FRS2: variants seen among roughly 807,000 people sequenced by gnomAD.
FRS2 encodes the protein FGFR signalling adaptor.
In FRS2, 8 loss-of-function variants were observed where a neutral mutation model predicts 43.9. The ratio of observed to expected loss-of-function variants is 0.18; its 90% CI spans 0.11 to 0.33. The LOEUF (loss-of-function observed/expected upper bound fraction) is 0.33, where lower values mean the gene tolerates loss of function less well. Ranked by LOEUF, FRS2 falls within the 10% of genes least tolerant of loss-of-function variation. FRS2 has a pLI of 1.00. For synonymous variants in FRS2, 219 were observed against 220.3 expected (o/e 0.99, Z 0.05); for missense variants, 534 against 627.6 (o/e 0.85, Z 1.59).
chr12:69,494,624 A>G (rs1322634694), intron 1 of FRS2, among the ~76,000 whole-genome samples: 4 of 152,278 alleles, frequency 2.6e-5, no homozygotes, highest in Admixed American at 6.5e-5. Flanking sequence ...CCCTGGCTCT[A>G]CCTAAGGCCA....
intron 1 of FRS2, among the ~76,000 whole-genome samples, chr12:69,516,127 A>C (rs776884232): frequency 1.1e-4 from 16 of 152,008 alleles, no homozygotes; most frequent in Non-Finnish European, 1.9e-4. Context: ...AGTATTTCAT[A>C]ATAATGTTAT....
intron 7 of FRS2, 36 bp from the exon 8 acceptor site, chr12:69,572,081 GC>G (rs745641334): frequency 7.7e-6 from 12 of 1,564,208 alleles, no homozygotes; most frequent in South Asian, 5.6e-5. Flanking sequence ...TCTCTGCCCC[GC>G]CCCCCTTTTC....
At chr12:69,530,654 G>A (rs1339015160) in intron 1 of FRS2, among the ~76,000 whole-genome samples, 6 of 152,168 alleles carry the variant, frequency 3.9e-5, no homozygotes, top group South Asian at 2.1e-4. Flanking sequence ...GAGGTGGGAG[G>A]ATCGCCTGAG....
intron 3 of FRS2, among the ~76,000 whole-genome samples, chr12:69,532,703 G>A (rs934655543): frequency 2.0e-5 from 3 of 152,034 alleles, no homozygotes; most frequent in Admixed American, 2.0e-4. Flanking sequence ...TAGCAGGAAG[G>A]GAATTCACAC....
intron 1 of FRS2, among the ~76,000 whole-genome samples, chr12:69,514,923 A>G (rs1874840566): frequency 6.6e-6 from 1 of 152,202 alleles, no homozygotes; most frequent in African/African-American, 2.4e-5. Context: ...GAGAAGTTCA[A>G]GCAGACAAAA....
At chr12:69,533,292 T>G (rs1593003690) in intron 3 of FRS2, among the ~76,000 whole-genome samples, 1 of 151,988 alleles carries the variant, frequency 6.6e-6, no homozygotes, top group South Asian at 2.1e-4. Flanking sequence ...CTCTGTTATA[T>G]AGAAAAGTAT....
At chr12:69,522,004 G>T (rs1267663748) in intron 1 of FRS2, among the ~76,000 whole-genome samples, 2 of 152,198 alleles carry the variant, frequency 1.3e-5, no homozygotes, top group Admixed American at 6.5e-5. Flanking sequence ...TCTATCTTTA[G>T]TTCTGTTTAT....
At chr12:69,485,134 C>CACACACACATAT (rs1194988609) in intron 1 of FRS2, among the ~76,000 whole-genome samples, 7 of 134,272 alleles carry the variant, frequency 5.2e-5, no homozygotes, top group African/African-American at 1.2e-4. Flanking sequence ...CACACACACA[C>CACACACACATAT]ACTCTCACCC....
chr12:69,555,576 A>G (rs1879267287), intron 3 of FRS2, among the ~76,000 whole-genome samples: 1 of 152,216 alleles, frequency 6.6e-6, no homozygotes, highest in Non-Finnish European at 1.5e-5. Context: ...GTATGGATCC[A>G]CTTATAGATG....
At chr12:69,506,903 A>G (rs1283304819) in intron 1 of FRS2, among the ~76,000 whole-genome samples, 1 of 151,778 alleles carries the variant, frequency 6.6e-6, no homozygotes, top group Non-Finnish European at 1.5e-5. Context: ...TTCATGGATT[A>G]ATGGATTAAT....
chr12:69,564,406 TCAAACACATAC>T (rs1357472864), intron 4 of FRS2, among the ~76,000 whole-genome samples: 2 of 152,160 alleles, frequency 1.3e-5, no homozygotes, highest in African/African-American at 4.8e-5. Context: ...ACCTTCTCCC[TCAAACACATAC>T]TTATGTACTT....
chr12:69,570,313 G>A lies in FRS2; in HGVS notation c.67-18G>A, dbSNP rs773590072. 13 of 1,595,474 alleles carry A rather than the reference G, an allele frequency of 8.1e-6. No homozygotes were observed. In the Admixed American group the frequency reaches 2.2e-4, roughly 27 times the overall value. On this transcript the variant is annotated intron_variant, in intron 5 of 8. Coordinates refer to ENST00000549921, the MANE Select transcript of FRS2 (RefSeq NM_001278356.2). ...GAATTGGTGACATATTTGCATGACT[G>A]TCACCTTCTTTTTTTAGGTCATTAA...
chr12:69,547,291 C>T (rs491194), intron 3 of FRS2, among the ~76,000 whole-genome samples: 14,205 of 152,012 alleles, frequency 0.093, 874 homozygotes, highest in Non-Finnish European at 0.14. Flanking sequence ...TGAGACCTCG[C>T]CTCTACAAAA....
At chr12:69,507,131 A>G (rs893878804) in intron 1 of FRS2, among the ~76,000 whole-genome samples, 1 of 152,218 alleles carries the variant, frequency 6.6e-6, no homozygotes, top group African/African-American at 2.4e-5. Flanking sequence ...TAAATTGCTC[A>G]GTTTTAGGTA....
At chr12:69,552,601 A>C (rs1878988959) in intron 3 of FRS2, among the ~76,000 whole-genome samples, 1 of 152,148 alleles carries the variant, frequency 6.6e-6, no homozygotes, top group African/African-American at 2.4e-5. Flanking sequence ...TCATTAAGTT[A>C]ATCCTAGGTA....
intron 1 of FRS2, among the ~76,000 whole-genome samples, chr12:69,496,947 A>C (rs922085952): frequency 4.6e-5 from 7 of 152,254 alleles, no homozygotes; most frequent in Admixed American, 4.6e-4. Flanking sequence ...TGCAAGGTTT[A>C]GATATTATTC....
chr12:69,490,036 A>G (rs190471509), intron 1 of FRS2, among the ~76,000 whole-genome samples: 117 of 152,252 alleles, frequency 7.7e-4, no homozygotes, highest in Non-Finnish European at 1.4e-3. Flanking sequence ...ATGTAGCAGT[A>G]TGTTCAGATG....
At chr12:69,509,093 CATT>C (rs1337356973) in intron 1 of FRS2, among the ~76,000 whole-genome samples, 2 of 152,168 alleles carry the variant, frequency 1.3e-5, no homozygotes, top group African/African-American at 4.8e-5. Flanking sequence ...TGGTTGGACA[CATT>C]AAGTAATCTG....
Position 69,514,945 on chromosome 12 carries a change from T to C in FRS2, c.-260-15920T>C, listed in dbSNP as rs976000867. Among the ~76,000 whole-genome samples, 12 of 152,290 alleles carry C rather than the reference T, an allele frequency of 7.9e-5. No individual in the cohort carries two copies. In the South Asian group the frequency reaches 2.5e-3, roughly 32 times the overall value. On this transcript the variant is annotated intron_variant, in intron 1 of 8. Coordinates refer to ENST00000549921, the MANE Select transcript of FRS2 (RefSeq NM_001278356.2). Reference sequence around the variant, plus strand: ...TCAAGCAGACAAAAAGAATAATAGATGTTCACTGCACCTGATGTTTCAGAT... The same window carrying C: ...TCAAGCAGACAAAAAGAATAATAGACGTTCACTGCACCTGATGTTTCAGAT...
Sources: gnomAD v4.1 joint callset for allele counts (sites outside exome capture counted in the v4.1 genomes callset) on GRCh38, gnomAD v4.1.1 for gene constraint, MANE v1.5 for transcripts, NCBI Gene and HGNC (gene_info 2026-07-23, HGNC 2026-07-21) for gene names.